TVP23A: variants seen among roughly 807,000 people sequenced by gnomAD.
The protein encoded by TVP23A is trans-golgi network vesicle protein 23 homolog A, also known as Golgi apparatus membrane protein TVP23 homolog A.
A neutral mutation model predicts 31.7 loss-of-function variants in TVP23A; 21 were observed. The observed-to-expected ratio is 0.66, with a 90% CI of 0.47 to 0.95. The LOEUF (loss-of-function observed/expected upper bound fraction) is 0.95. Among genes scored for constraint, TVP23A ranks in the 40% least tolerant of loss-of-function variants. The pLI, the probability that TVP23A is intolerant of heterozygous loss-of-function variation, is 0.00. For missense variants in TVP23A, 279 were observed against 255.6 expected, an observed-to-expected ratio of 1.09 and a Z score of -0.62; for synonymous variants, 104 against 96.0, an observed-to-expected ratio of 1.08 and a Z score of -0.49.
chr16:10,761,732 C>T, downstream of TVP23A: 1 of 1,574,144 alleles, frequency 6.4e-7, no homozygotes, highest in Non-Finnish European at 8.7e-7. Flanking sequence ...AATTATGTTT[C>T]CTCCCCTTTG....
At chr16:10,780,408 G>T (rs1222229295) in intron 2 of TVP23A, among the ~76,000 whole-genome samples, 1 of 152,068 alleles carries the variant, frequency 6.6e-6, no homozygotes, top group Non-Finnish European at 1.5e-5. Context: ...CAAGGACCAG[G>T]AAAGACCTGG....
chr16:10,789,629 G>C (rs1302343119), intron 2 of TVP23A, among the ~76,000 whole-genome samples: 2 of 131,802 alleles, frequency 1.5e-5, no homozygotes, highest in African/African-American at 3.0e-5. Context: ...AGGAGTTCAA[G>C]ACCAGTCTGG....
chr16:10,759,584 G>C (rs187897447), downstream of TVP23A, among the ~76,000 whole-genome samples: 1 of 152,136 alleles, frequency 6.6e-6, no homozygotes, highest in African/African-American at 2.4e-5. The surrounding 1 kb of genome is among the most constrained non-coding windows in gnomAD (Gnocchi z 4.7). Flanking sequence ...GACCAGACTG[G>C]CCAATATGGC....
chr16:10,816,960 C>CACAT (rs1555488085), intron 2 of TVP23A, among the ~76,000 whole-genome samples: 3 of 146,448 alleles, frequency 2.0e-5, no homozygotes, highest in African/African-American at 2.5e-5. Context: ...CACACACACA[C>CACAT]ACGTCACCTG....
At chr16:10,784,393 A>G (rs2032613358) in intron 2 of TVP23A, among the ~76,000 whole-genome samples, 1 of 151,738 alleles carries the variant, frequency 6.6e-6, no homozygotes, top group South Asian at 2.1e-4. Flanking sequence ...AAAAAAGAAA[A>G]AAAAAAAAAG....
chr16:10,787,786 T>A (rs528245974), intron 2 of TVP23A, among the ~76,000 whole-genome samples: 1 of 152,194 alleles, frequency 6.6e-6, no homozygotes, highest in African/African-American at 2.4e-5. Context: ...CTCATATGTG[T>A]CAGTGTCCGT....
downstream of TVP23A, chr16:10,757,744 C>A: frequency 8.9e-7 from 1 of 1,125,608 alleles, no homozygotes; most frequent in Non-Finnish European, 1.3e-6. This position sits in a 1 kb window ranked among gnomAD's most constrained non-coding sequence, Gnocchi z 4.1. Context: ...GGGAGGATTG[C>A]TTGAGCCTCA....
intron 2 of TVP23A, among the ~76,000 whole-genome samples, chr16:10,796,958 G>C (rs2033422721): frequency 6.6e-6 from 1 of 152,190 alleles, no homozygotes; most frequent in Non-Finnish European, 1.5e-5. Context: ...GGGAGGCTGA[G>C]GCAGGAAGGT....
chr16:10,790,255 C>CA (rs1204345446), intron 2 of TVP23A, among the ~76,000 whole-genome samples: 1 of 149,402 alleles, frequency 6.7e-6, no homozygotes, highest in Non-Finnish European at 1.5e-5. Flanking sequence ...CAAAATATGA[C>CA]AAAGAAACAT....
At chr16:10,785,957 C>G (rs182103062) in intron 2 of TVP23A, among the ~76,000 whole-genome samples, 1 of 152,234 alleles carries the variant, frequency 6.6e-6, no homozygotes, top group Admixed American at 6.5e-5. Flanking sequence ...ACCAGCCTGA[C>G]CAACATGATG....
chr16:10,800,974 G>C (rs533013794), intron 2 of TVP23A, among the ~76,000 whole-genome samples: 3 of 152,168 alleles, frequency 2.0e-5, no homozygotes, highest in Non-Finnish European at 4.4e-5. Context: ...CTGGGCAACA[G>C]AGCAAGACCC....
intron 7 of TVP23A, 94 bp downstream of exon 7, chr16:10,770,178 A>C (rs2031464619): frequency 2.7e-6 from 4 of 1,469,614 alleles, no homozygotes; most frequent in Non-Finnish European, 2.8e-6. Context: ...GGAACAGGGG[A>C]AGCCCACCCA....
intron 2 of TVP23A, among the ~76,000 whole-genome samples, chr16:10,801,670 G>A (rs56872628): frequency 1.3e-5 from 2 of 151,990 alleles, no homozygotes; most frequent in Non-Finnish European, 2.9e-5. Context: ...TTCCCAGACC[G>A]GTCTCAAACT....
chr16:10,815,286 C>A (rs114872992), intron 2 of TVP23A, among the ~76,000 whole-genome samples: 8 of 152,248 alleles, frequency 5.3e-5, no homozygotes, highest in African/African-American at 1.9e-4. Flanking sequence ...GTGGCGTGCA[C>A]CTGCAGTCCC....
intron 2 of TVP23A, among the ~76,000 whole-genome samples, chr16:10,805,786 C>G (rs1254826060): frequency 1.3e-5 from 2 of 151,940 alleles, no homozygotes; most frequent in Non-Finnish European, 2.9e-5. Context: ...ATCTGGTTTT[C>G]TCTGTGGTCC....
chr16:10,762,465 CCGGGCGCCCACTCGCCG>C (rs920640486), downstream of TVP23A, among the ~76,000 whole-genome samples: 2 of 152,230 alleles, frequency 1.3e-5, no homozygotes, highest in Non-Finnish European at 2.9e-5. Flanking sequence ...CACACGCCCG[CCGGGCGCCCACTCGCCG>C]CGGGGCGCTG....
chr16:10,767,489 C>T lies in TVP23A; in HGVS notation c.*1613G>A. ...GAGAGTGTGTGTATGTGTGTGCGCA[C>T]ACATGCAAGTGTGCACATTTATATG... On this transcript the variant is annotated 3_prime_UTR_variant, in exon 8 of 8. Coordinates refer to ENST00000299866, the MANE Select transcript of TVP23A (RefSeq NM_001079512.4). This position sits in a 1 kb window ranked among gnomAD's most constrained non-coding sequence, Gnocchi z 4.6. The T allele has an allele frequency of 2.4e-6, 1 of 425,268 alleles. No individual in the cohort carries two copies. Among genetic ancestry groups the T allele is most frequent in the East Asian group, 3.4e-5 (1 of 29,274 alleles). The allele number at this position is 425,268 out of a possible 1,614,324, so 26.3% of individuals were successfully genotyped here.
chr16:10,782,422 T>C (rs1175832224), intron 2 of TVP23A, among the ~76,000 whole-genome samples: 3 of 152,200 alleles, frequency 2.0e-5, no homozygotes, highest in African/African-American at 7.2e-5. Flanking sequence ...TGGTAAATTC[T>C]TCTTAAACCT....
At chr16:10,812,867 C>T (rs557192873) in intron 2 of TVP23A, among the ~76,000 whole-genome samples, 3 of 151,640 alleles carry the variant, frequency 2.0e-5, no homozygotes, top group South Asian at 2.1e-4. Flanking sequence ...TGGAATTTTA[C>T]GCTGTGGGTT....
Sources: allele counts gnomAD v4.1 joint callset (sites outside exome capture counted in the v4.1 genomes callset), GRCh38; gene constraint gnomAD v4.1.1; non-coding constraint Gnocchi (gnomAD v3.1); transcripts MANE v1.5; gene names NCBI Gene and HGNC (gene_info 2026-07-23, HGNC 2026-07-21).